The following COL27A1 variants were observed in gnomAD, a reference collection of about 807,000 sequenced individuals.
COL27A1 encodes the protein collagen type XXVII alpha 1 chain.
Under a neutral mutation model 251.3 loss-of-function variants are expected in COL27A1, and 106 were observed. The observed-to-expected ratio is 0.42, with a 90% CI of 0.36 to 0.50. COL27A1 has a LOEUF of 0.50. Among genes scored for constraint, COL27A1 ranks in the 20% least tolerant of loss-of-function variants. COL27A1 has a pLI of 0.00. For synonymous variants in COL27A1, 1,000 were observed against 986.3 expected, an observed-to-expected ratio of 1.01 and a Z score of -0.26; for missense variants, 2,325 against 2,522.8, an observed-to-expected ratio of 0.92 and a Z score of 1.68.
chr9:114,218,055 AG>A (rs1830825986), intron 12 of COL27A1: 1 of 351,774 alleles, frequency 2.8e-6, no homozygotes, highest in Non-Finnish European at 5.6e-6. Context: ...TGCAGTGAGC[AG>A]TTATCACACC....
chr9:114,268,608 A>G (rs544913482), intron 34 of COL27A1, among the ~76,000 whole-genome samples: 66 of 152,342 alleles, frequency 4.3e-4, no homozygotes, highest in African/African-American at 1.4e-3. Context: ...TCTGTCACTG[A>G]ATAGTCTCAC....
intron 23 of COL27A1, among the ~76,000 whole-genome samples, chr9:114,243,837 G>A (rs942026458): frequency 6.6e-6 from 1 of 152,040 alleles, no homozygotes; most frequent in Non-Finnish European, 1.5e-5. Flanking sequence ...TGGGGTGGGG[G>A]TGGTGGAGGA....
At chr9:114,267,024 C>T (rs1834795390) in intron 33 of COL27A1, among the ~76,000 whole-genome samples, 1 of 152,184 alleles carries the variant, frequency 6.6e-6, no homozygotes, top group Non-Finnish European at 1.5e-5. Context: ...ACACCCCTGC[C>T]TTATCCAGAG....
At chr9:114,253,478 GAAAA>G (rs1425718784) in intron 27 of COL27A1, among the ~76,000 whole-genome samples, 1 of 151,346 alleles carries the variant, frequency 6.6e-6, no homozygotes, top group African/African-American at 2.4e-5. Context: ...GAAAGGAAAA[GAAAA>G]GAAAGGAAGG....
chr9:114,164,630 G>T (rs1007750417), intron 2 of COL27A1, among the ~76,000 whole-genome samples: 3 of 152,354 alleles, frequency 2.0e-5, no homozygotes, highest in African/African-American at 7.2e-5. Context: ...GTTGAGCAGG[G>T]ACTAAAGGAA....
At chr9:114,278,284 G>C (rs542767913) in intron 37 of COL27A1, among the ~76,000 whole-genome samples, 3 of 136,246 alleles carry the variant, frequency 2.2e-5, no homozygotes, top group East Asian at 4.2e-4. Context: ...GATGATGGGG[G>C]TGTTGATGGT....
At chr9:114,206,842 T>G (rs1195789855) in intron 10 of COL27A1, among the ~76,000 whole-genome samples, 1 of 152,168 alleles carries the variant, frequency 6.6e-6, no homozygotes, top group East Asian at 1.9e-4. Context: ...TGATGTCCAT[T>G]TGTACCTCTA....
chr9:114,173,380 C>G (rs4978568), intron 3 of COL27A1, among the ~76,000 whole-genome samples: 1 of 151,968 alleles, frequency 6.6e-6, no homozygotes, highest in African/African-American at 2.4e-5. Flanking sequence ...TTGATCCTTA[C>G]GAAATGCAGG....
In COL27A1 at chr9:114,292,084, T is replaced by A; in HGVS notation, c.4477-19T>A. ...CCCCTTCCCACTTTGACTGGTAATT[T>A]TTTGTGTGTTTCTTTAAGGGTGAGA... On this transcript the variant is annotated intron_variant, in intron 48 of 60. Coordinates refer to ENST00000356083, the MANE Select transcript of COL27A1 (RefSeq NM_032888.4). The A allele has an allele frequency of 6.4e-7, 1 of 1,550,678 alleles. No individual in the cohort carries two copies. Among genetic ancestry groups the A allele is most frequent in the African/African-American group, 1.4e-5 (1 of 73,118 alleles).
chr9:114,230,377 C>T (rs997550882), intron 14 of COL27A1, among the ~76,000 whole-genome samples: 17 of 151,816 alleles, frequency 1.1e-4, no homozygotes, highest in African/African-American at 3.6e-4. Flanking sequence ...ACAGGAGGGG[C>T]GTCATGGGGA....
chr9:114,166,046 C>T (rs1181675136), intron 2 of COL27A1, among the ~76,000 whole-genome samples: 2 of 151,420 alleles, frequency 1.3e-5, no homozygotes, highest in Non-Finnish European at 2.9e-5. Context: ...CCTGTCCATC[C>T]ATTCATTCAT....
chr9:114,261,046 C>G (rs796267591), intron 28 of COL27A1, among the ~76,000 whole-genome samples: 1 of 152,212 alleles, frequency 6.6e-6, no homozygotes, highest in Non-Finnish European at 1.5e-5. Context: ...CTTCCCCCTC[C>G]GTAAAACGGG....
At chr9:114,188,833 G>A (rs1437174218) in intron 5 of COL27A1, among the ~76,000 whole-genome samples, 1 of 152,166 alleles carries the variant, frequency 6.6e-6, no homozygotes, top group Non-Finnish European at 1.5e-5. Flanking sequence ...TCTATGAGAT[G>A]TATGTTTTTC....
chr9:114,293,700 T>C (rs1308730527), intron 49 of COL27A1, among the ~76,000 whole-genome samples: 1 of 152,128 alleles, frequency 6.6e-6, no homozygotes, highest in Non-Finnish European at 1.5e-5. Flanking sequence ...TCACTACAGA[T>C]ATGACAGAAA....
At chr9:114,178,710 G>A (rs1282034018) in intron 4 of COL27A1, among the ~76,000 whole-genome samples, 1 of 152,090 alleles carries the variant, frequency 6.6e-6, no homozygotes, top group Non-Finnish European at 1.5e-5. Context: ...TCCTGTTTCT[G>A]CAGGGCTCTC....
chr9:114,268,425 A>G (rs1238169138), intron 34 of COL27A1, among the ~76,000 whole-genome samples: 1 of 152,262 alleles, frequency 6.6e-6, no homozygotes, highest in African/African-American at 2.4e-5. Context: ...CCAATGAGAA[A>G]GACCCTTTTA....
chr9:114,264,451 T>C, intron 29 of COL27A1, 43 bp downstream of exon 29: 4 of 1,452,854 alleles, frequency 2.8e-6, no homozygotes, highest in Non-Finnish European at 3.7e-6. Flanking sequence ...CCTCCGACAC[T>C]GGGTCAGGAA....
At chr9:114,294,621 A>G (rs2131640352) in intron 49 of COL27A1, among the ~76,000 whole-genome samples, 1 of 152,378 alleles carries the variant, frequency 6.6e-6, no homozygotes, top group East Asian at 1.9e-4. Context: ...TTGCAGGAAA[A>G]GCATTTGAGA....
At chr9:114,301,808 C>A in intron 55 of COL27A1, 91 bp downstream of exon 55, 1 of 1,281,354 alleles carries the variant, frequency 7.8e-7, no homozygotes, top group Non-Finnish European at 1.1e-6. Context: ...AGCCTTGACC[C>A]TGAACCCCAC....
Sources: gnomAD v4.1 joint callset for allele counts (sites outside exome capture counted in the v4.1 genomes callset) on GRCh38, gnomAD v4.1.1 for gene constraint, MANE v1.5 for transcripts, NCBI Gene and HGNC (gene_info 2026-07-23, HGNC 2026-07-21) for gene names.